The following JMJD1C variants were observed in gnomAD, a reference collection of about 807,000 sequenced individuals.
JMJD1C encodes jumonji domain containing 1C.
A neutral mutation model predicts 245.3 loss-of-function variants in JMJD1C; 31 were observed. The ratio of observed to expected loss-of-function variants is 0.13; its 90% CI spans 0.09 to 0.17. JMJD1C has a LOEUF of 0.17. Among genes scored for constraint, JMJD1C ranks in the 10% least tolerant of loss-of-function variants. The pLI, the probability that JMJD1C is intolerant of heterozygous loss-of-function variation, is 1.00. For synonymous variants in JMJD1C, 1,057 were observed against 1,017.4 expected, an observed-to-expected ratio of 1.04 and a Z score of -0.74; for missense variants, 2,691 against 3,000.2, an observed-to-expected ratio of 0.90 and a Z score of 2.41.
intron 2 of JMJD1C, among the ~76,000 whole-genome samples, chr10:63,374,175 A>C (rs1055998289): frequency 6.6e-6 from 1 of 152,196 alleles, no homozygotes; most frequent in East Asian, 1.9e-4. Flanking sequence ...TAATATAAAG[A>C]AAGCTCATAA....
chr10:63,491,019 A>G (rs894993905), intron 1 of JMJD1C, among the ~76,000 whole-genome samples: 1 of 152,230 alleles, frequency 6.6e-6, no homozygotes, highest in Non-Finnish European at 1.5e-5. Context: ...CTAGTTTACT[A>G]ACCTTAGAAA....
chr10:63,189,977 G>A (rs550411490), intron 17 of JMJD1C, among the ~76,000 whole-genome samples: 45 of 150,194 alleles, frequency 3.0e-4, no homozygotes, highest in African/African-American at 1.1e-3. Context: ...TACAAGCTCC[G>A]CCTCCCAGAT....
chr10:63,219,931 T>G lies in JMJD1C; in HGVS notation c.500A>C (p.Glu167Ala). The change falls in exon 4 of 26, where the codon GAG becomes GCG. Residue 167 changes from glutamate to alanine, a missense_variant. Transcript: ENST00000399262. ...PVLRDNPQLH[E>A]EVKVWVKEQK... ...TTCCTTTACCCAGACTTTCACTTCC[T>G]CATGAAGCTGCGGGTTGTCCCTGAG... 1 of 1,613,940 alleles carries G rather than the reference T, an allele frequency of 6.2e-7. No individual in the cohort carries two copies. The highest frequency in any genetic ancestry group is 1.3e-5 in the African/African-American group (1 of 75,042).
chr10:63,361,076 ATAAC>A (rs1468185339), intron 2 of JMJD1C, among the ~76,000 whole-genome samples: 4 of 152,256 alleles, frequency 2.6e-5, no homozygotes, highest in Admixed American at 1.3e-4. Context: ...TTATTTTTGA[ATAAC>A]TAAATTTTCT....
chr10:63,203,070 C>T, intron 10 of JMJD1C: 1 of 984,460 alleles, frequency 1.0e-6, no homozygotes, highest in Non-Finnish European at 1.2e-6. Context: ...ACAAAATAGG[C>T]ATTTAGAGCT....
chr10:63,217,864 G>A (rs1442801359), intron 4 of JMJD1C, among the ~76,000 whole-genome samples: 2 of 151,946 alleles, frequency 1.3e-5, no homozygotes, highest in South Asian at 2.1e-4. Context: ...AATTTTTAAC[G>A]AAATATGGTA....
chr10:63,238,007 A>C (rs368473503), intron 3 of JMJD1C, among the ~76,000 whole-genome samples: 1 of 7,774 alleles, frequency 1.3e-4, no homozygotes, highest in African/African-American at 9.4e-4. Flanking sequence ...CGTCTCTACT[A>C]AAAAAAAAAA....
chr10:63,383,079 C>T (rs12416498), intron 1 of JMJD1C, among the ~76,000 whole-genome samples: 1 of 151,986 alleles, frequency 6.6e-6, no homozygotes, highest in Non-Finnish European at 1.5e-5. Context: ...GTGCTGCATA[C>T]ATATAAAGTT....
chr10:63,291,307 T>TAA (rs1858663168), intron 2 of JMJD1C, among the ~76,000 whole-genome samples: 1 of 45,708 alleles, frequency 2.2e-5, no homozygotes, highest in African/African-American at 1.7e-4. Flanking sequence ...AAAGTCTGTC[T>TAA]CAGAAAAAAA....
At chr10:63,286,317 G>A (rs879257023) in intron 2 of JMJD1C, among the ~76,000 whole-genome samples, 13 of 152,162 alleles carry the variant, frequency 8.5e-5, no homozygotes, top group Non-Finnish European at 1.6e-4. Flanking sequence ...CTTACACTGA[G>A]GGTGGGTCCC....
In JMJD1C at chr10:63,300,643, G is replaced by GCATTTTGGGAGGCCAAGGCA. The variant is rs753213341; in HGVS notation, c.334-35880_334-35879insTGCCTTGGCCTCCCAAAATG. Among the ~76,000 whole-genome samples the GCATTTTGGGAGGCCAAGGCA allele has an allele frequency of 3.4e-3, 511 of 152,250 alleles. 2 individuals carry two copies. Among genetic ancestry groups the GCATTTTGGGAGGCCAAGGCA allele is most frequent in the Non-Finnish European group, 3.9e-3 (265 of 68,006 alleles). ...GTGGTGGCTCACTTCTGAAATCCCA[G>GCATTTTGGGAGGCCAAGGCA]CATTTTGGGAGGCCAAGGCGGTAGA... On this transcript the variant is annotated intron_variant, in intron 2 of 25. Transcript: ENST00000399262.
At chr10:63,445,674 T>C (rs576792549) in intron 1 of JMJD1C, among the ~76,000 whole-genome samples, 1 of 152,232 alleles carries the variant, frequency 6.6e-6, no homozygotes, top group South Asian at 2.1e-4. Context: ...CTGTTTGCTA[T>C]AGGCACTATA....
At chr10:63,449,810 T>C (rs57829695) in intron 1 of JMJD1C, among the ~76,000 whole-genome samples, 5,281 of 152,088 alleles carry the variant, frequency 0.035, 250 homozygotes, top group African/African-American at 0.11. Flanking sequence ...TCTATAAAAC[T>C]GTACACAATT....
rs549778288 is a variant in JMJD1C, at chr10:63,274,854, A to AT, written c.334-10091dup. Among the ~76,000 whole-genome samples, 284 of 152,242 alleles carry AT rather than the reference A, an allele frequency of 1.9e-3. 1 individual carries two copies. Among genetic ancestry groups the AT allele is most frequent in the African/African-American group, 6.6e-3 (275 of 41,552 alleles). ...AACCAAATTTTTACCCTAGCAGAGT[A>AT]TTCAGTCTTTTATAAGAGAACGGAA... On this transcript the variant is annotated intron_variant, in intron 2 of 25. Coordinates refer to ENST00000399262, the MANE Select transcript of JMJD1C (RefSeq NM_032776.3).
Position 63,190,950 on chromosome 10 carries a change from C to G in JMJD1C, c.6235G>C (p.Val2079Leu). 1.2e-6 allele frequency: 2 copies of G among 1,614,110 alleles called. No homozygotes were observed. The highest frequency in any genetic ancestry group is 1.7e-6 in the Non-Finnish European group (2 of 1,179,960). The change falls in exon 17 of 26, where the codon GTG becomes CTG. Residue 2079 changes from valine (V) to leucine (L), a missense_variant. Physicochemically the swap from Val to Leu is conservative, Grantham distance 32. Coordinates refer to ENST00000399262, the MANE Select transcript of JMJD1C (RefSeq NM_032776.3). The stretch of plus-strand genomic sequence containing the variant: ...GCAATGCCAGCATCTGTAGACCCCA[C>G]ACGTAGCTTTCCAGCTGTTGTAGTC... ...LLTTTAGKLR[V>L]GSTDAGIAFA...
rs905254369 is a variant in JMJD1C, at chr10:63,215,256, G to A, written c.1015+7C>T. On this transcript the variant is annotated splice_region_variant and intron_variant, in intron 7 of 25. Transcript: ENST00000399262. Reference sequence around the variant, plus strand: ...TTCATTCCCTTAAAAAAAAAAGTGGGTCCTACCTCCTCGTGATATATAATC... The same window carrying A: ...TTCATTCCCTTAAAAAAAAAAGTGGATCCTACCTCCTCGTGATATATAATC... The A allele has an allele frequency of 1.2e-6, 2 of 1,603,122 alleles. No individual in the cohort carries two copies.
At chr10:63,409,200 AC>A (rs1949346003) in intron 1 of JMJD1C, among the ~76,000 whole-genome samples, 2 of 152,192 alleles carry the variant, frequency 1.3e-5, no homozygotes. Context: ...GTCATTACAA[AC>A]CACTCGTAAT....
intron 2 of JMJD1C, among the ~76,000 whole-genome samples, chr10:63,309,913 T>C (rs1256822232): frequency 6.6e-6 from 1 of 151,098 alleles, no homozygotes; most frequent in Non-Finnish European, 1.5e-5. Context: ...CAAGATTTCG[T>C]CTCAAAAAAA....
chr10:63,342,785 C>T (rs1736648489), intron 2 of JMJD1C, among the ~76,000 whole-genome samples: 1 of 152,072 alleles, frequency 6.6e-6, no homozygotes, highest in Admixed American at 6.6e-5. Context: ...TGGTGATAAC[C>T]ATGACTGTCC....
Sources: allele counts gnomAD v4.1 joint callset (sites outside exome capture counted in the v4.1 genomes callset), GRCh38; gene constraint gnomAD v4.1.1; transcripts MANE v1.5; gene names NCBI Gene and HGNC (gene_info 2026-07-23, HGNC 2026-07-21).